DGKH: variants seen among roughly 807,000 people sequenced by gnomAD.
DGKH encodes diacylglycerol kinase eta.
A neutral mutation model predicts 159.3 loss-of-function variants in DGKH; 90 were observed. The observed-to-expected ratio is 0.57, with a 90% CI of 0.48 to 0.67. DGKH has a LOEUF of 0.67. Ranked by LOEUF, DGKH falls within the 30% of genes least tolerant of loss-of-function variation. The pLI, the probability that DGKH is intolerant of heterozygous loss-of-function variation, is 0.00. For synonymous variants in DGKH, 536 were observed against 553.8 expected (o/e 0.97, Z 0.45); for missense variants, 1,181 against 1,506.1 (o/e 0.78, Z 3.57).
At chr13:42,115,765 G>A (rs1038119042) in intron 1 of DGKH, among the ~76,000 whole-genome samples, 1 of 152,172 alleles carries the variant, frequency 6.6e-6, no homozygotes, top group African/African-American at 2.4e-5. Context: ...GGAATTATGC[G>A]GGTGATGGGT....
intron 24 of DGKH, 95 bp downstream of exon 24, chr13:42,210,860 C>A: frequency 9.0e-7 from 1 of 1,116,830 alleles, no homozygotes; most frequent in Non-Finnish European, 1.3e-6. Flanking sequence ...GTAGTGGTAT[C>A]AAAAAGAGAT....
chr13:42,171,745 C>T (rs1956459657), intron 11 of DGKH, among the ~76,000 whole-genome samples: 1 of 152,068 alleles, frequency 6.6e-6, no homozygotes, highest in Admixed American at 6.5e-5. Context: ...CTTGTGTTTC[C>T]AGACCCTGTG....
chr13:42,217,007 C>A (rs1459526181), intron 26 of DGKH, among the ~76,000 whole-genome samples: 1 of 152,150 alleles, frequency 6.6e-6, no homozygotes, highest in African/African-American at 2.4e-5. Context: ...GATGGACTTT[C>A]CTTCTCCACT....
chr13:42,054,070 C>T lies in DGKH; in HGVS notation c.192+5105C>T, dbSNP rs192853809. On this transcript the variant is annotated intron_variant, in intron 1 of 29. Coordinates refer to ENST00000337343, the MANE Select transcript of DGKH (RefSeq NM_178009.5). Reference sequence around the variant, plus strand: ...AAGTATTGATTTGCATTTTTCACTGCCTTACAAAGTACAATTTGTGCCATT... The same window carrying T: ...AAGTATTGATTTGCATTTTTCACTGTCTTACAAAGTACAATTTGTGCCATT... Among the ~76,000 whole-genome samples, 177 of 152,234 alleles carry T rather than the reference C, an allele frequency of 1.2e-3. 2 individuals are homozygous for T. The highest frequency in any genetic ancestry group is 4.1e-3 in the African/African-American group (170 of 41,554).
chr13:42,242,371 A>G lies in DGKH; in HGVS notation c.*13183A>G, dbSNP rs1594268629. On this transcript the variant is annotated 3_prime_UTR_variant, in exon 30 of 30. Transcript: ENST00000337343. The stretch of plus-strand genomic sequence containing the variant: ...TGAAAGATGCAGATAATATCTATCT[A>G]TTTATTACACAGTGGGCTCTGTTTG... 1 of 151,912 alleles carries G rather than the reference A, an allele frequency of 6.6e-6. No homozygotes were observed. The highest frequency in any genetic ancestry group is 1.5e-5 in the Non-Finnish European group (1 of 68,036). The allele number at this position is 151,912 out of a possible 1,614,324, so 9.4% of individuals were successfully genotyped here.
chr13:42,131,477 GT>G (rs1474210085), intron 3 of DGKH, among the ~76,000 whole-genome samples: 1 of 152,120 alleles, frequency 6.6e-6, no homozygotes, highest in African/African-American at 2.4e-5. Flanking sequence ...TGACCAGGAA[GT>G]TTATATATTT....
chr13:42,168,609 G>A, intron 10 of DGKH, 61 bp downstream of exon 10: 1 of 1,613,384 alleles, frequency 6.2e-7, no homozygotes, highest in East Asian at 2.2e-5. Flanking sequence ...ACTTACCAGA[G>A]AGGTGCAGAA....
At chr13:42,182,280 G>A (rs984686911) in intron 13 of DGKH, among the ~76,000 whole-genome samples, 3 of 152,116 alleles carry the variant, frequency 2.0e-5, no homozygotes, top group Admixed American at 6.5e-5. Context: ...ACTTCCCACT[G>A]TACCCATCAT....
intron 1 of DGKH, among the ~76,000 whole-genome samples, chr13:42,086,318 A>G (rs1337141310): frequency 6.6e-6 from 1 of 152,226 alleles, no homozygotes; most frequent in African/African-American, 2.4e-5. Flanking sequence ...AATCAGATTC[A>G]GTAAGTGTTT....
chr13:42,061,780 C>A (rs1882187041), intron 1 of DGKH, among the ~76,000 whole-genome samples: 1 of 152,134 alleles, frequency 6.6e-6, no homozygotes, highest in South Asian at 2.1e-4. Context: ...CCTTTCTATT[C>A]ATTCAACCAA....
chr13:42,163,940 G>A (rs1288288498), intron 7 of DGKH, among the ~76,000 whole-genome samples: 1 of 152,162 alleles, frequency 6.6e-6, no homozygotes, highest in Non-Finnish European at 1.5e-5. Context: ...CCTTGCCCAT[G>A]CCTATGTCCT....
intron 3 of DGKH, among the ~76,000 whole-genome samples, chr13:42,150,920 C>T (rs1213595475): frequency 6.6e-6 from 1 of 151,548 alleles, no homozygotes; most frequent in African/African-American, 2.4e-5. Context: ...TAGGTGGGCC[C>T]AGTGCAATAA....
chr13:42,188,871 G>A (rs1162272440), intron 14 of DGKH, among the ~76,000 whole-genome samples, 165 bp from the exon 15 acceptor site: 1 of 152,140 alleles, frequency 6.6e-6, no homozygotes, highest in Non-Finnish European at 1.5e-5. Context: ...TTTAAAATTA[G>A]CTGCTTCCAG....
chr13:42,181,085 G>A (rs975395434), intron 13 of DGKH, among the ~76,000 whole-genome samples: 1 of 151,856 alleles, frequency 6.6e-6, no homozygotes, highest in Admixed American at 6.6e-5. Flanking sequence ...GACCATCCTG[G>A]CTAACACGGT....
intron 1 of DGKH, chr13:42,068,854 A>G: frequency 1.4e-6 from 1 of 696,544 alleles, no homozygotes; most frequent in South Asian, 4.2e-5. Context: ...ATTCAAGTAA[A>G]AAATGACTTA....
At chr13:42,114,922 C>G (rs1006682545) in intron 1 of DGKH, among the ~76,000 whole-genome samples, 2 of 152,164 alleles carry the variant, frequency 1.3e-5, no homozygotes, top group Admixed American at 1.3e-4. Context: ...CAAATAGTAC[C>G]TTACTTCTGA....
At chr13:42,053,260 A>G (rs971844878) in intron 1 of DGKH, among the ~76,000 whole-genome samples, 1 of 151,726 alleles carries the variant, frequency 6.6e-6, no homozygotes, top group African/African-American at 2.4e-5. Context: ...CCACCATGGC[A>G]CATGTATACC....
intron 1 of DGKH, among the ~76,000 whole-genome samples, chr13:42,123,309 A>T (rs1182078399): frequency 6.6e-6 from 1 of 152,202 alleles, no homozygotes; most frequent in Non-Finnish European, 1.5e-5. Context: ...AAATAAAGCA[A>T]TGTAGACAGG....
Position 42,076,587 on chromosome 13 carries a change from T to A in DGKH, c.192+27622T>A, listed in dbSNP as rs11843246. On this transcript the variant is annotated intron_variant, in intron 1 of 29. Coordinates refer to ENST00000337343, the MANE Select transcript of DGKH (RefSeq NM_178009.5). ...CAGAAATCTTACTGCTATTCAAGTT[T>A]AGGTTAACCCCTTTTTGTCTGCAGT... Among the ~76,000 whole-genome samples, 1,237 of 152,280 alleles carry A rather than the reference T, an allele frequency of 8.1e-3. 21 individuals carry two copies. Among genetic ancestry groups the A allele is most frequent in the African/African-American group, 0.029 (1,190 of 41,572 alleles).
Sources: gnomAD v4.1 joint callset for allele counts (sites outside exome capture counted in the v4.1 genomes callset) on GRCh38, gnomAD v4.1.1 for gene constraint, MANE v1.5 for transcripts, NCBI Gene and HGNC (gene_info 2026-07-23, HGNC 2026-07-21) for gene names.